CACNA1D: variants seen among roughly 807,000 people sequenced by gnomAD.
CACNA1D encodes the protein voltage-dependent L-type calcium channel subunit alpha-1D.
CACNA1D carries 55 observed loss-of-function variants against 257.1 expected under a neutral mutation model. That is an observed-to-expected ratio of 0.21 (90% confidence interval 0.17 to 0.27). The LOEUF (loss-of-function observed/expected upper bound fraction) is 0.27. CACNA1D is among the 10% of genes least tolerant of loss of function. The pLI is 1.00. For synonymous variants in CACNA1D, 980 were observed against 1,014.9 expected (o/e 0.97, Z 0.65); for missense variants, 1,876 against 2,784.0 (o/e 0.67, Z 7.34).
intron 3 of CACNA1D, among the ~76,000 whole-genome samples, chr3:53,607,907 C>T (rs1173068669): frequency 1.3e-5 from 2 of 152,196 alleles, no homozygotes; most frequent in Non-Finnish European, 2.9e-5. Context: ...ACACCAATCC[C>T]ACTATGTCTT....
chr3:53,504,498 T>A (rs2090742191), intron 3 of CACNA1D, among the ~76,000 whole-genome samples: 1 of 152,180 alleles, frequency 6.6e-6, no homozygotes, highest in Non-Finnish European at 1.5e-5. Flanking sequence ...TAGTTTTTGT[T>A]CTTTATTTTT....
At chr3:53,601,953 G>A (rs566961045) in intron 3 of CACNA1D, among the ~76,000 whole-genome samples, 9 of 151,940 alleles carry the variant, frequency 5.9e-5, no homozygotes, top group Non-Finnish European at 8.8e-5. Context: ...TCAGGTAATC[G>A]GCCCGCCTCA....
intron 3 of CACNA1D, among the ~76,000 whole-genome samples, chr3:53,640,363 A>G (rs1387771898): frequency 3.9e-5 from 6 of 152,210 alleles, no homozygotes; most frequent in East Asian, 3.9e-4. Context: ...TGCAGTGCCA[A>G]CTAGGATGGG....
chr3:53,651,732 A>G (rs2094099713), intron 4 of CACNA1D, among the ~76,000 whole-genome samples: 1 of 152,226 alleles, frequency 6.6e-6, no homozygotes, highest in Non-Finnish European at 1.5e-5. Flanking sequence ...TAGTTATGCT[A>G]GCTGTAAAGT....
chr3:53,703,787 G>C (rs1268991270), intron 9 of CACNA1D, among the ~76,000 whole-genome samples: 1 of 152,198 alleles, frequency 6.6e-6, no homozygotes, highest in African/African-American at 2.4e-5. Context: ...GGGTACAGGG[G>C]AAACCCAGAG....
chr3:53,740,333 G>T lies in CACNA1D; in HGVS notation c.2805G>T (p.Leu935=). Residue 935 remains leucine, a synonymous_variant, in exon 21 of 48, where the codon CTG becomes CTT. Transcript: ENST00000350061. ...AFTAIFTVEI[L]LKMTTFGAFL... is the part of the protein sequence containing the mutation. ...CAGCCATCTTTACTGTTGAGATCCT[G>T]TTGAAGGTAATGAATTTTCCTTGAT... 6.2e-7 allele frequency: 1 copy of T among 1,607,834 alleles called. No homozygotes were observed. Among genetic ancestry groups the T allele is most frequent in the Non-Finnish European group, 8.5e-7 (1 of 1,174,288 alleles).
chr3:53,740,411 C>G (rs910660012), intron 21 of CACNA1D, 72 bp downstream of exon 21: 6 of 1,013,640 alleles, frequency 5.9e-6, no homozygotes, highest in Non-Finnish European at 9.4e-6. Context: ...TCTTTGTTTG[C>G]CTTCCAGATG....
chr3:53,665,619 C>T (rs1358051189), intron 5 of CACNA1D, 41 bp from the exon 6 acceptor site: 19 of 1,545,598 alleles, frequency 1.2e-5, no homozygotes, highest in South Asian at 2.2e-5. Flanking sequence ...CATTGGAGTG[C>T]CTTCCTGGCT....
chr3:53,798,324 TGTGC>T lies in CACNA1D; in HGVS notation c.4924-1921_4924-1918del, dbSNP rs1382850279. On this transcript the variant is annotated intron_variant, in intron 40 of 47. Coordinates refer to ENST00000350061, the MANE Select transcript of CACNA1D (RefSeq NM_001128840.3). ...GTATGTGTGCGTGTGTGTGTGTGTG[TGTGC>T]GTGTGTGTGCGTGTGTGTGTGCACG... Among the ~76,000 whole-genome samples, 85 of 138,976 alleles carry T rather than the reference TGTGC, an allele frequency of 6.1e-4. 1 individual carries two copies. The highest frequency in any genetic ancestry group is 2.0e-3 in the African/African-American group (75 of 38,368). 91.2% of individuals were successfully genotyped at this position (138,976 alleles called of 152,430 possible). A position where few individuals can be genotyped will look rare whatever the true frequency, so the allele number is the denominator to read the frequency against.
intron 3 of CACNA1D, among the ~76,000 whole-genome samples, chr3:53,605,173 A>G (rs369732354): frequency 6.6e-6 from 1 of 152,236 alleles, no homozygotes; most frequent in African/African-American, 2.4e-5. Flanking sequence ...GCAGTTGTGA[A>G]GGTGAGAACC....
intron 8 of CACNA1D, among the ~76,000 whole-genome samples, chr3:53,675,512 A>T (rs1201589852): frequency 1.3e-5 from 2 of 152,182 alleles, no homozygotes; most frequent in Non-Finnish European, 1.5e-5. Context: ...GACATCCCTT[A>T]TCTTTTAGCT....
At chr3:53,552,670 T>G (rs2092559031) in intron 3 of CACNA1D, among the ~76,000 whole-genome samples, 1 of 152,120 alleles carries the variant, frequency 6.6e-6, no homozygotes, top group South Asian at 2.1e-4. Context: ...ACATTTCCCT[T>G]TCTTGTTTGA....
At chr3:53,810,527 C>A (rs181426098) in intron 47 of CACNA1D, 3 of 574,750 alleles carry the variant, frequency 5.2e-6, no homozygotes, top group African/African-American at 3.7e-5. Context: ...GAGGCCGAGG[C>A]GGGTGGATCA....
intron 8 of CACNA1D, among the ~76,000 whole-genome samples, chr3:53,701,124 TTTG>T (rs200488217): frequency 2.6e-4 from 39 of 150,738 alleles, no homozygotes; most frequent in Non-Finnish European, 4.3e-4. Context: ...TGGGGTTAGT[TTTG>T]TTGTTGTTGT....
At chr3:53,546,109 A>G (rs1411504989) in intron 3 of CACNA1D, among the ~76,000 whole-genome samples, 1 of 152,214 alleles carries the variant, frequency 6.6e-6, no homozygotes, top group Non-Finnish European at 1.5e-5. Flanking sequence ...CTCTTTGGCC[A>G]GGCCCTCCAG....
intron 3 of CACNA1D, among the ~76,000 whole-genome samples, chr3:53,576,804 C>A (rs551469448): frequency 6.6e-5 from 10 of 152,312 alleles, no homozygotes; most frequent in Non-Finnish European, 1.2e-4. Context: ...GGATCTCATT[C>A]CTTTATCCAT....
At chr3:53,805,564 A>G (rs1038319276) in intron 45 of CACNA1D, among the ~76,000 whole-genome samples, 1 of 152,138 alleles carries the variant, frequency 6.6e-6, no homozygotes, top group Non-Finnish European at 1.5e-5. Flanking sequence ...AGTGGGCTCA[A>G]GTGCAGAGCT....
chr3:53,543,717 C>G (rs1020676548), intron 3 of CACNA1D, among the ~76,000 whole-genome samples: 1 of 152,126 alleles, frequency 6.6e-6, no homozygotes, highest in East Asian at 1.9e-4. Context: ...TAGAGGCACT[C>G]TCATTATTTT....
intron 6 of CACNA1D, 36 bp from the exon 7 acceptor site, chr3:53,666,303 G>A (rs2094262667): frequency 6.3e-7 from 1 of 1,595,834 alleles, no homozygotes; most frequent in African/African-American, 1.3e-5. Flanking sequence ...TGATGTTTCT[G>A]TCCTGAGCGG....
Sources: gnomAD v4.1 joint callset for allele counts (sites outside exome capture counted in the v4.1 genomes callset) on GRCh38, gnomAD v4.1.1 for gene constraint, MANE v1.5 for transcripts, NCBI Gene and HGNC (gene_info 2026-07-23, HGNC 2026-07-21) for gene names.